Variants in FAT3 observed in about 807,000 individuals in gnomAD.
FAT3 encodes the protein FAT atypical cadherin 3, also known as protocadherin Fat 3.
FAT3 carries 95 observed loss-of-function variants against 310.2 expected under a neutral mutation model. That is an observed-to-expected ratio of 0.31 (90% confidence interval 0.26 to 0.36). The LOEUF is 0.36. Ranked by LOEUF, FAT3 falls within the 10% of genes least tolerant of loss-of-function variation. FAT3 has a pLI of 1.00. For synonymous variants in FAT3, 2,314 were observed against 2,192.9 expected, an observed-to-expected ratio of 1.06 and a Z score of -1.54; for missense variants, 5,408 against 5,715.6, an observed-to-expected ratio of 0.95 and a Z score of 1.74.
chr11:92,635,626 T>G (rs1941738932), intron 3 of FAT3, among the ~76,000 whole-genome samples: 1 of 152,214 alleles, frequency 6.6e-6, no homozygotes, highest in Non-Finnish European at 1.5e-5. Flanking sequence ...AACAGTTAAA[T>G]TCCCCAGAAT....
chr11:92,501,626 G>A (rs1465292792), intron 2 of FAT3, among the ~76,000 whole-genome samples: 5 of 151,760 alleles, frequency 3.3e-5, no homozygotes, highest in Non-Finnish European at 7.4e-5. Flanking sequence ...GCGCATGCCT[G>A]TTTTCCTCCT....
At chr11:92,248,569 C>T (rs1317670886) in intron 1 of FAT3, among the ~76,000 whole-genome samples, 1 of 152,066 alleles carries the variant, frequency 6.6e-6, no homozygotes, top group Non-Finnish European at 1.5e-5. Flanking sequence ...CCCATCAGCA[C>T]TTTGAGAATG....
intron 3 of FAT3, among the ~76,000 whole-genome samples, chr11:92,643,001 A>G (rs1942020729): frequency 6.6e-6 from 1 of 152,200 alleles, no homozygotes; most frequent in African/African-American, 2.4e-5. Context: ...TGAATAAATG[A>G]AGCAGAATAC....
chr11:92,369,028 A>G (rs2134707650), intron 2 of FAT3, among the ~76,000 whole-genome samples: 1 of 152,170 alleles, frequency 6.6e-6, no homozygotes, highest in South Asian at 2.1e-4. Context: ...CCACTAAATG[A>G]AAACTAAATG....
chr11:92,245,714 T>C (rs1332874846), intron 1 of FAT3, among the ~76,000 whole-genome samples: 1 of 152,126 alleles, frequency 6.6e-6, no homozygotes, highest in Non-Finnish European at 1.5e-5. Flanking sequence ...AATATATGAA[T>C]GAAGGGGCAT....
chr11:92,638,015 T>C (rs959040567), intron 3 of FAT3, among the ~76,000 whole-genome samples: 5 of 152,216 alleles, frequency 3.3e-5, no homozygotes, highest in Non-Finnish European at 7.3e-5. Context: ...GGGAGGTCCA[T>C]GTACTTCATG....
At chr11:92,723,323 C>T (rs929638388) in intron 4 of FAT3, among the ~76,000 whole-genome samples, 2 of 152,158 alleles carry the variant, frequency 1.3e-5, no homozygotes, top group Admixed American at 1.3e-4. Context: ...ACAAGAGTCA[C>T]CTTTGCTCCA....
At chr11:92,844,888 A>C (rs767706624) in intron 19 of FAT3, among the ~76,000 whole-genome samples, 156 bp downstream of exon 19, 1 of 152,248 alleles carries the variant, frequency 6.6e-6, no homozygotes, top group African/African-American at 2.4e-5. Flanking sequence ...CTGGGGCTGC[A>C]GGAGGTACAG....
chr11:92,339,124 T>G (rs1310303036), intron 1 of FAT3, among the ~76,000 whole-genome samples: 1 of 152,190 alleles, frequency 6.6e-6, no homozygotes, highest in African/African-American at 2.4e-5. Flanking sequence ...TTAGTTCCGC[T>G]AATCTAGGGT....
chr11:92,830,950 A>G (rs1368622909), intron 13 of FAT3, among the ~76,000 whole-genome samples: 1 of 152,020 alleles, frequency 6.6e-6, no homozygotes, highest in Non-Finnish European at 1.5e-5. Flanking sequence ...CACTTCCGAC[A>G]CCATCTGCCT....
intron 1 of FAT3, among the ~76,000 whole-genome samples, chr11:92,231,908 G>C (rs1864199279): frequency 6.6e-6 from 1 of 151,078 alleles, no homozygotes. Context: ...GGTCTTTTTT[G>C]AAACCTAGAG....
At chr11:92,402,674 G>C (rs1950044178) in intron 2 of FAT3, among the ~76,000 whole-genome samples, 1 of 151,488 alleles carries the variant, frequency 6.6e-6, no homozygotes, top group African/African-American at 2.4e-5. Flanking sequence ...TGAGATGGCA[G>C]ATAGCTGAGA....
chr11:92,449,326 G>A (rs539807543), intron 2 of FAT3, among the ~76,000 whole-genome samples: 24 of 152,272 alleles, frequency 1.6e-4, no homozygotes, highest in African/African-American at 4.6e-4. Context: ...GCAGATGTAC[G>A]CACCAGTCAC....
intron 3 of FAT3, among the ~76,000 whole-genome samples, chr11:92,545,679 G>A (rs1954593814): frequency 6.6e-6 from 1 of 152,182 alleles, no homozygotes; most frequent in South Asian, 2.1e-4. Context: ...CTCAAGGGTA[G>A]AAAAGGCAAG....
chr11:92,614,584 C>T (rs1940713560), intron 3 of FAT3, among the ~76,000 whole-genome samples: 1 of 152,078 alleles, frequency 6.6e-6, no homozygotes, highest in Admixed American at 6.5e-5. Flanking sequence ...TAAGATATAG[C>T]CGCTCATTTG....
chr11:92,251,555 C>T (rs1217742858), intron 1 of FAT3, among the ~76,000 whole-genome samples: 1 of 152,078 alleles, frequency 6.6e-6, no homozygotes, highest in African/African-American at 2.4e-5. Context: ...AGTTTTCTTA[C>T]CTTTCACTTC....
At chr11:92,355,479 G>C in intron 2 of FAT3, 75 bp downstream of exon 2, 1 of 1,386,218 alleles carries the variant, frequency 7.2e-7, no homozygotes, top group South Asian at 1.4e-5. Flanking sequence ...GTAAAGGGAT[G>C]TTAGGACACT....
At chr11:92,571,209 A>G (rs984956780) in intron 3 of FAT3, among the ~76,000 whole-genome samples, 5 of 152,302 alleles carry the variant, frequency 3.3e-5, no homozygotes, top group African/African-American at 1.2e-4. Flanking sequence ...GGAGCCTAGA[A>G]AAGGGAACTG....
intron 3 of FAT3, among the ~76,000 whole-genome samples, chr11:92,559,925 T>G (rs974363052): frequency 5.9e-5 from 9 of 152,240 alleles, no homozygotes; most frequent in African/African-American, 2.2e-4. Context: ...TGAATATATA[T>G]AAGTTTTGTA....
Sources: allele counts gnomAD v4.1 joint callset (sites outside exome capture counted in the v4.1 genomes callset), GRCh38; gene constraint gnomAD v4.1.1; transcripts MANE v1.5; gene names NCBI Gene and HGNC (gene_info 2026-07-23, HGNC 2026-07-21).